COL24A1: variants seen among roughly 807,000 people sequenced by gnomAD.
COL24A1 encodes collagen type XXIV alpha 1 chain, also known as collagen alpha-1(XXIV) chain.
In COL24A1, 224 loss-of-function variants were observed where a neutral mutation model predicts 253.9. The observed-to-expected ratio is 0.88, with a 90% CI of 0.79 to 0.99. The LOEUF (loss-of-function observed/expected upper bound fraction) is 0.99. COL24A1 is among the 50% of genes least tolerant of loss of function. COL24A1 has a pLI of 0.00. For missense variants in COL24A1, 2,131 were observed against 2,068.5 expected, an observed-to-expected ratio of 1.03 and a Z score of -0.59; for synonymous variants, 685 against 673.7, an observed-to-expected ratio of 1.02 and a Z score of -0.26.
intron 7 of COL24A1, among the ~76,000 whole-genome samples, chr1:86,079,812 C>G (rs538020545): frequency 6.6e-6 from 1 of 152,152 alleles, no homozygotes; most frequent in Non-Finnish European, 1.5e-5. Flanking sequence ...TCCTCATACA[C>G]TATTCATGGG....
intron 20 of COL24A1, among the ~76,000 whole-genome samples, chr1:85,986,400 T>C (rs754918908): frequency 6.6e-6 from 1 of 151,860 alleles, no homozygotes; most frequent in African/African-American, 2.4e-5. Context: ...CTTTTTAAAA[T>C]ATAACCATTG....
chr1:86,078,498 A>G (rs1392635193), intron 7 of COL24A1, among the ~76,000 whole-genome samples: 1 of 152,198 alleles, frequency 6.6e-6, no homozygotes, highest in Non-Finnish European at 1.5e-5. Context: ...TCCAAATTGG[A>G]AAGGAAGAAG....
At chr1:86,145,420 C>T (rs1651733429) in intron 2 of COL24A1, among the ~76,000 whole-genome samples, 1 of 152,010 alleles carries the variant, frequency 6.6e-6, no homozygotes, top group Non-Finnish European at 1.5e-5. Flanking sequence ...TAGGATTTGT[C>T]TCTTTGACTT....
intron 2 of COL24A1, among the ~76,000 whole-genome samples, chr1:86,140,163 G>A (rs1190505569): frequency 1.3e-5 from 2 of 152,202 alleles, no homozygotes; most frequent in African/African-American, 4.8e-5. Context: ...ACAGCCTTGT[G>A]TAGTAAGTAT....
intron 24 of COL24A1, among the ~76,000 whole-genome samples, chr1:85,948,803 T>C (rs1471729855): frequency 6.6e-6 from 1 of 151,462 alleles, no homozygotes; most frequent in Non-Finnish European, 1.5e-5. Flanking sequence ...TGATGAACAT[T>C]GATGCAAGCA....
chr1:85,908,339 T>C (rs1332500321), intron 27 of COL24A1, among the ~76,000 whole-genome samples: 1 of 151,778 alleles, frequency 6.6e-6, no homozygotes, highest in Admixed American at 6.6e-5. Flanking sequence ...TTTCCTTATA[T>C]GTGGTTATTC....
intron 19 of COL24A1, among the ~76,000 whole-genome samples, chr1:85,994,465 A>G (rs963356107): frequency 5.5e-4 from 84 of 151,608 alleles, no homozygotes; most frequent in African/African-American, 2.0e-3. Context: ...AATTTTACAT[A>G]TTCAAACGAG....
intron 12 of COL24A1, among the ~76,000 whole-genome samples, chr1:86,036,249 T>C (rs1363579766): frequency 1.3e-5 from 2 of 151,974 alleles, no homozygotes; most frequent in African/African-American, 2.4e-5. Context: ...CAGCCTCCCG[T>C]AGTGTTGGGA....
intron 35 of COL24A1, among the ~76,000 whole-genome samples, chr1:85,871,790 G>C (rs1680528319): frequency 6.6e-6 from 1 of 152,172 alleles, no homozygotes; most frequent in Admixed American, 6.5e-5. Flanking sequence ...ACTGGCACAA[G>C]ACAGGGATGC....
intron 43 of COL24A1, among the ~76,000 whole-genome samples, chr1:85,826,441 G>GT (rs1436583096): frequency 9.9e-6 from 1 of 101,420 alleles, no homozygotes; most frequent in African/African-American, 3.6e-5. Context: ...CTTTAAAGTA[G>GT]TTTTTTCCAA....
At chr1:86,056,545 T>A (rs564793973) in intron 10 of COL24A1, among the ~76,000 whole-genome samples, 6 of 152,192 alleles carry the variant, frequency 3.9e-5, no homozygotes, top group Non-Finnish European at 8.8e-5. Context: ...AAATACCTTA[T>A]GCTTTACTTC....
chr1:85,864,578 AAAAG>A (rs1679569515), intron 37 of COL24A1, among the ~76,000 whole-genome samples: 1 of 152,202 alleles, frequency 6.6e-6, no homozygotes, highest in Non-Finnish European at 1.5e-5. Flanking sequence ...TGCTATTAAA[AAAAG>A]AAACAAGAAA....
At position 85,827,203 on chromosome 1, in the gene COL24A1, G is replaced by C. The variant is rs1365067828; in HGVS notation, c.3682-3465C>G. 2.0e-5 allele frequency among the ~76,000 whole-genome samples: 3 copies of C among 151,938 alleles called. No individual in the cohort carries two copies. In the Admixed American group the frequency reaches 2.0e-4, roughly 10 times the overall value. ...GATAATCATGTGGTTTTTGTCTTTG[G>C]TTCTGTTTATATGGTGGATTACATT... On this transcript the variant is annotated intron_variant, in intron 43 of 59. Coordinates refer to ENST00000370571, the MANE Select transcript of COL24A1 (RefSeq NM_152890.7).
chr1:85,810,114 G>A (rs1337422064), intron 47 of COL24A1, among the ~76,000 whole-genome samples: 1 of 152,012 alleles, frequency 6.6e-6, no homozygotes, highest in East Asian at 1.9e-4. Flanking sequence ...AAAATAGGGT[G>A]CAGTAAAGAA....
intron 19 of COL24A1, among the ~76,000 whole-genome samples, chr1:86,012,850 CTTCA>C (rs1696638278): frequency 6.6e-6 from 1 of 152,196 alleles, no homozygotes; most frequent in Non-Finnish European, 1.5e-5. Flanking sequence ...CCACTTTCCT[CTTCA>C]TTCATTCTGC....
At chr1:85,823,788 T>C in intron 43 of COL24A1, 50 bp from the exon 44 acceptor site, 1 of 1,523,162 alleles carries the variant, frequency 6.6e-7, no homozygotes, top group Non-Finnish European at 9.1e-7. Flanking sequence ...ACATGTGACT[T>C]AAGAGAATAG....
chr1:86,148,285 A>G (rs1652194676), intron 1 of COL24A1, among the ~76,000 whole-genome samples: 1 of 152,070 alleles, frequency 6.6e-6, no homozygotes, highest in South Asian at 2.1e-4. Context: ...GCCAGGTTCA[A>G]GCAATTCTCC....
intron 14 of COL24A1, among the ~76,000 whole-genome samples, chr1:86,029,429 A>G (rs1478945187): frequency 6.6e-6 from 1 of 152,212 alleles, no homozygotes; most frequent in Non-Finnish European, 1.5e-5. Context: ...TATTATTACT[A>G]CTACTACAAA....
At chr1:86,117,105 A>T (rs557797741) in intron 3 of COL24A1, among the ~76,000 whole-genome samples, 1 of 152,224 alleles carries the variant, frequency 6.6e-6, no homozygotes, top group Admixed American at 6.5e-5. Flanking sequence ...TTCTTTAAAA[A>T]TGTCTAGTTT....
Sources: allele counts gnomAD v4.1 joint callset (sites outside exome capture counted in the v4.1 genomes callset), GRCh38; gene constraint gnomAD v4.1.1; transcripts MANE v1.5; gene names NCBI Gene and HGNC (gene_info 2026-07-23, HGNC 2026-07-21).